IL1RAPL2: variants seen among roughly 807,000 people sequenced by gnomAD.
The protein encoded by IL1RAPL2 is interleukin 1 receptor accessory protein like 2, also known as X-linked interleukin-1 receptor accessory protein-like 2.
Under a neutral mutation model 44.1 loss-of-function variants are expected in IL1RAPL2, and 3 were observed. That is an observed-to-expected ratio of 0.07 (90% CI 0.03 to 0.18). The LOEUF is 0.18. Among genes scored for constraint, IL1RAPL2 ranks in the 10% least tolerant of loss-of-function variants. The probability of loss-of-function intolerance (pLI) is 1.00; values close to 1 mark genes in which losing one functional copy is unlikely to be tolerated. For synonymous variants in IL1RAPL2, 181 were observed against 178.8 expected (o/e 1.01, Z -0.10); for missense variants, 391 against 496.4 (o/e 0.79, Z 2.02).
Position 104,855,681 on chromosome X carries a change from G to GTGTTTTTTTT in IL1RAPL2, c.82+196687_82+196688insGTTTTTTTTT. 7.4e-4 allele frequency among the ~76,000 whole-genome samples: 40 copies of GTGTTTTTTTT among 53,857 alleles called. 6 individuals carry two copies. The highest frequency in any genetic ancestry group is 1.2e-3 in the Non-Finnish European group (30 of 24,619). 46.8% of individuals were successfully genotyped at this position (53,857 alleles called of 115,157 possible). On this transcript the variant is annotated intron_variant, in intron 2 of 10. Transcript: ENST00000372582. ...TTAACTGTGCTAAGGATCTGGATCCGTTTTTTTTTTTTTTTTTACTGTATC... is the reference window on the plus strand; with the variant it reads ...TTAACTGTGCTAAGGATCTGGATCCGTGTTTTTTTTTTTTTTTTTTTTTTTTTACTGTATC...
chrX:105,289,202 G>A (rs1324489180), intron 5 of IL1RAPL2, among the ~76,000 whole-genome samples: 1 of 111,184 alleles, frequency 9.0e-6, no homozygotes, highest in Non-Finnish European at 1.9e-5. Context: ...GGTTGGGGCA[G>A]AGAGAGTAGT....
chrX:104,873,476 C>A (rs190223997), intron 2 of IL1RAPL2, among the ~76,000 whole-genome samples: 4 of 111,607 alleles, frequency 3.6e-5, no homozygotes, highest in African/African-American at 9.8e-5. Context: ...ATGATCTCAC[C>A]GGCTTACCAA....
rs773209977 is a variant in IL1RAPL2 at position 105,755,329 on chromosome X, G to C, written c.1345G>C (p.Asp449His). Reference sequence around the variant, plus strand: ...ATATAAACTCTTCATCCCAGAAAGAGACCTGATTCCAAGTGGAAGTAAGTA... The same window carrying C: ...ATATAAACTCTTCATCCCAGAAAGACACCTGATTCCAAGTGGAAGTAAGTA... ...YGYKLFIPERDLIPSGTYMED... is the reference protein window; with the variant it reads ...YGYKLFIPERHLIPSGTYMED... Residue 449 changes from aspartate (D) to histidine (H), a missense_variant, in exon 10 of 11, where the codon GAC (aspartate) becomes CAC (histidine). Physicochemically the swap from Asp to His is moderately conservative, Grantham distance 81 (BLOSUM62 -1). Coordinates refer to ENST00000372582, the MANE Select transcript of IL1RAPL2 (RefSeq NM_017416.2). 9 of 1,193,221 alleles carry C rather than the reference G, an allele frequency of 7.5e-6. No individual in the cohort carries two copies. The African/African-American group carries it at 1.6e-4, about 21-fold the overall frequency.
At chrX:105,484,932 A>G (rs1489315449) in intron 6 of IL1RAPL2, among the ~76,000 whole-genome samples, 1 of 111,556 alleles carries the variant, frequency 9.0e-6, no homozygotes, top group African/African-American at 3.3e-5. Context: ...CTTTTTACAC[A>G]CTCAAATAAG....
chrX:104,592,188 TG>T lies in IL1RAPL2; in HGVS notation c.-20+25138del, dbSNP rs1928682581. ...GTGTGTGTGTGTGTGTGTGTGTGTG[TG>T]TGTGTTATTGGAGGTAATGAAGTGG... On this transcript the variant is annotated intron_variant, in intron 1 of 10. Coordinates refer to ENST00000372582, the MANE Select transcript of IL1RAPL2 (RefSeq NM_017416.2). Among the ~76,000 whole-genome samples the T allele has an allele frequency of 3.8e-5, 4 of 105,222 alleles. No homozygotes were observed. The South Asian group carries it at 1.8e-3, about 47-fold the overall frequency. 91.4% of individuals were successfully genotyped at this position (105,222 alleles called of 115,157 possible).
intron 5 of IL1RAPL2, among the ~76,000 whole-genome samples, chrX:105,292,071 C>A (rs2034617638): frequency 9.0e-6 from 1 of 111,052 alleles, no homozygotes; most frequent in Non-Finnish European, 1.9e-5. Context: ...TGAGGGACAA[C>A]TGTACTAATG....
intron 2 of IL1RAPL2, among the ~76,000 whole-genome samples, chrX:104,677,351 C>T (rs1278477469): frequency 1.8e-5 from 2 of 109,699 alleles, no homozygotes; most frequent in East Asian, 5.8e-4. Flanking sequence ...TTGGAATACC[C>T]TGCCGTGTGA....
intron 2 of IL1RAPL2, chrX:104,804,570 G>C (rs1389498017): frequency 8.9e-6 from 1 of 112,138 alleles, no homozygotes; most frequent in Non-Finnish European, 1.9e-5. Flanking sequence ...GATAACGTTA[G>C]TATACCACAA....
intron 2 of IL1RAPL2, among the ~76,000 whole-genome samples, chrX:104,877,013 A>T (rs1180169377): frequency 9.1e-6 from 1 of 110,374 alleles, no homozygotes; most frequent in Non-Finnish European, 1.9e-5. Flanking sequence ...GTTTGCTGAG[A>T]ATGATGGTTT....
At chrX:105,570,338 C>T (rs1478978947) in intron 6 of IL1RAPL2, among the ~76,000 whole-genome samples, 2 of 111,888 alleles carry the variant, frequency 1.8e-5, no homozygotes, top group African/African-American at 6.5e-5. Flanking sequence ...GATGTATATC[C>T]ACTCGTTGGT....
intron 1 of IL1RAPL2, among the ~76,000 whole-genome samples, chrX:104,574,434 C>G (rs1051570115): frequency 9.0e-6 from 1 of 110,985 alleles, no homozygotes; most frequent in African/African-American, 3.3e-5. Flanking sequence ...TTTTGGCAAA[C>G]CTGTGAGGAT....
intron 2 of IL1RAPL2, among the ~76,000 whole-genome samples, chrX:105,156,705 G>A (rs1238750460): frequency 8.9e-6 from 1 of 111,917 alleles, no homozygotes; most frequent in Non-Finnish European, 1.9e-5. Flanking sequence ...GCTATTGCTT[G>A]AAAAATACAG....
chrX:105,546,728 C>A (rs1441780227), intron 6 of IL1RAPL2, among the ~76,000 whole-genome samples: 2 of 111,291 alleles, frequency 1.8e-5, no homozygotes, highest in African/African-American at 6.5e-5. Context: ...TAATGGAATT[C>A]ATCTTTATCA....
At chrX:105,370,231 T>C (rs1433457388) in intron 5 of IL1RAPL2, among the ~76,000 whole-genome samples, 1 of 111,865 alleles carries the variant, frequency 8.9e-6, no homozygotes, top group Non-Finnish European at 1.9e-5. Context: ...ATCTTATTTT[T>C]TAGACTTTTA....
intron 2 of IL1RAPL2, among the ~76,000 whole-genome samples, chrX:104,830,060 T>G (rs1921565893): frequency 9.0e-6 from 1 of 111,719 alleles, no homozygotes; most frequent in African/African-American, 3.3e-5. Flanking sequence ...TGAAGCAAAC[T>G]AGGCCTGTCT....
chrX:104,699,763 G>A (rs746527401), intron 2 of IL1RAPL2, among the ~76,000 whole-genome samples: 2 of 111,570 alleles, frequency 1.8e-5, no homozygotes, highest in African/African-American at 6.5e-5. Context: ...GTCTACTTTA[G>A]CACTACAACA....
rs999289430 is a variant in IL1RAPL2 at position 105,006,538 on chromosome X, C to A, written c.83-188937C>A. 2.7e-5 allele frequency among the ~76,000 whole-genome samples: 3 copies of A among 110,957 alleles called. No homozygotes were observed. The Admixed American group carries it at 2.9e-4, about 11-fold the overall frequency. On this transcript the variant is annotated intron_variant, in intron 2 of 10. Transcript: ENST00000372582. ...TTGTATGTAACTTTCTCAGGATATT[C>A]ATTTAGGCATTACATGTCAAGGAAG...
intron 1 of IL1RAPL2, among the ~76,000 whole-genome samples, chrX:104,576,686 A>ATTTCCTTTGTTATCCAGCC (rs1171105387): frequency 9.0e-6 from 1 of 111,711 alleles, no homozygotes; most frequent in Non-Finnish European, 1.9e-5. Context: ...TTATAATATC[A>ATTTCCTTTGTTATCCAGCC]TTTCCTTTGT....
At chrX:105,092,100 T>C (rs778656507) in intron 2 of IL1RAPL2, among the ~76,000 whole-genome samples, 6 of 111,504 alleles carry the variant, frequency 5.4e-5, no homozygotes, top group Non-Finnish European at 7.5e-5. Context: ...ATTTCATTGT[T>C]ATCGTCCTTC....
Sources: gnomAD v4.1 joint callset for allele counts (sites outside exome capture counted in the v4.1 genomes callset) on GRCh38, gnomAD v4.1.1 for gene constraint, MANE v1.5 for transcripts, NCBI Gene and HGNC (gene_info 2026-07-23, HGNC 2026-07-21) for gene names.